Variants in FASTKD1 observed in about 807,000 individuals in gnomAD.
The protein encoded by FASTKD1 is FAST kinase domain-containing protein 1, mitochondrial.
A neutral mutation model predicts 90.9 loss-of-function variants in FASTKD1; 94 were observed. That is an observed-to-expected ratio of 1.03 (90% CI 0.88 to 1.23). FASTKD1 has a LOEUF of 1.23. FASTKD1 is among the 50% of genes most tolerant of loss of function. The pLI is 0.00. For missense variants in FASTKD1, 945 were observed against 993.5 expected (o/e 0.95, Z 0.66); for synonymous variants, 319 against 345.8 (o/e 0.92, Z 0.86).
At chr2:169,534,826 C>T (rs576574761) in intron 12 of FASTKD1, among the ~76,000 whole-genome samples, 1 of 152,016 alleles carries the variant, frequency 6.6e-6, no homozygotes, top group East Asian at 1.9e-4. Flanking sequence ...AGGACTAAAA[C>T]ACAAACACTA....
chr2:169,554,227 A>C (rs1433084156), intron 7 of FASTKD1, among the ~76,000 whole-genome samples: 1 of 125,134 alleles, frequency 8.0e-6, no homozygotes. Flanking sequence ...GCCGTGAGCT[A>C]TGATTGCACC....
chr2:169,552,867 CA>C (rs1250852580), intron 7 of FASTKD1, among the ~76,000 whole-genome samples: 1 of 151,952 alleles, frequency 6.6e-6, no homozygotes, highest in Non-Finnish European at 1.5e-5. Context: ...ATCCATGTAA[CA>C]AAAAACCACT....
chr2:169,558,265 T>C (rs1683418632), intron 5 of FASTKD1, among the ~76,000 whole-genome samples: 1 of 152,212 alleles, frequency 6.6e-6, no homozygotes, highest in Non-Finnish European at 1.5e-5. Flanking sequence ...TGTGTGTGTT[T>C]CTTCGTCTGT....
intron 7 of FASTKD1, among the ~76,000 whole-genome samples, chr2:169,548,387 T>A (rs1685313658): frequency 6.9e-6 from 1 of 145,444 alleles, no homozygotes; most frequent in Non-Finnish European, 1.5e-5. Flanking sequence ...GAAATCCCCA[T>A]GGCAAGAGTC....
At chr2:169,542,464 G>T (rs1024721480) in intron 9 of FASTKD1, among the ~76,000 whole-genome samples, 1 of 152,342 alleles carries the variant, frequency 6.6e-6, no homozygotes, top group Non-Finnish European at 1.5e-5. Context: ...AAAGGAAAAA[G>T]AAAAAGTAAT....
chr2:169,558,705 C>T (rs1456062284), intron 5 of FASTKD1, among the ~76,000 whole-genome samples: 2 of 152,134 alleles, frequency 1.3e-5, no homozygotes, highest in Admixed American at 1.3e-4. Flanking sequence ...ACCGCCTCAG[C>T]CTCCCAAGGT....
At chr2:169,563,521 TAGAA>T (rs1683809344) in intron 3 of FASTKD1, 171 bp from the exon 4 acceptor site, 2 of 349,984 alleles carry the variant, frequency 5.7e-6, no homozygotes. Flanking sequence ...TCAGATACTG[TAGAA>T]AGGTTTTGAA....
In FASTKD1 at chr2:169,571,506, G is replaced by C. The variant is rs972967483; in HGVS notation, c.377+147C>G. The C allele has an allele frequency of 4.5e-5, 23 of 511,930 alleles. No homozygotes were observed. The East Asian group carries it at 8.5e-4, about 19-fold the overall frequency. 31.7% of individuals were successfully genotyped at this position (511,930 alleles called of 1,614,324 possible). A position where few individuals can be genotyped will look rare whatever the true frequency, so the allele number is the denominator to read the frequency against. ...GTGAACCTGGGAGGCAGAGCTTGCA[G>C]TGAGCCGAGATCATGCCACTGCACT... On this transcript the variant is annotated intron_variant, in intron 2 of 14. Transcript: ENST00000453153.
Position 169,557,315 on chromosome 2 carries a change from A to AT in FASTKD1, c.972-19_972-18insA. On this transcript the variant is annotated intron_variant, in intron 5 of 14. Coordinates refer to ENST00000453153, the MANE Select transcript of FASTKD1 (RefSeq NM_024622.6). ...ATTTAAGTCTAGAAGCAAAAAAAAA[A>AT]AAGTTTTTGGTTGAAAGACTGAAAA... is the stretch of plus-strand genomic sequence containing the variant. 2 of 1,499,926 alleles carry AT rather than the reference A, an allele frequency of 1.3e-6. No individual in the cohort carries two copies. Among genetic ancestry groups the AT allele is most frequent in the Non-Finnish European group, 1.8e-6 (2 of 1,107,790 alleles). 92.9% of individuals were successfully genotyped at this position (1,499,926 alleles called of 1,614,324 possible).
At chr2:169,558,808 C>T in intron 5 of FASTKD1, among the ~76,000 whole-genome samples, 1 of 151,684 alleles carries the variant, frequency 6.6e-6, no homozygotes, top group East Asian at 2.0e-4. Context: ...AGGCTGGTCT[C>T]AAACTCCCGA....
intron 7 of FASTKD1, among the ~76,000 whole-genome samples, chr2:169,554,800 T>C (rs540728869): frequency 1.3e-5 from 2 of 152,300 alleles, no homozygotes; most frequent in East Asian, 3.9e-4. Context: ...TGCTCCCAAA[T>C]GGAGTTTAAC....
chr2:169,545,129 C>T lies in FASTKD1; in HGVS notation c.1702-294G>A, dbSNP rs568580925. ...GCTGGGAGTGGTGGCTCATGCCTGT[C>T]ATCCCAACACTTTGGATGGCTGAGG... On this transcript the variant is annotated intron_variant, in intron 8 of 14. Transcript: ENST00000453153. 2.0e-5 allele frequency among the ~76,000 whole-genome samples: 3 copies of T among 152,204 alleles called. No individual in the cohort carries two copies. In the South Asian group the frequency reaches 6.2e-4, roughly 32 times the overall value.
chr2:169,557,902 C>T (rs1683402438), intron 5 of FASTKD1, among the ~76,000 whole-genome samples: 1 of 152,188 alleles, frequency 6.6e-6, no homozygotes. Flanking sequence ...CGAAACGTGA[C>T]ATCTGATAGG....
chr2:169,546,673 C>G lies in FASTKD1; in HGVS notation c.1246G>C (p.Val416Leu), dbSNP rs1196056753. The G allele has an allele frequency of 1.1e-5, 17 of 1,606,038 alleles. No individual in the cohort carries two copies. The highest frequency in any genetic ancestry group is 1.7e-5 in the Admixed American group (1 of 57,648). ...YLKNSFIPTE[V>L]SVLVRAISLL... is the part of the protein sequence containing the mutation. ...GAAATAGCACGGACCAGAACAGACACCTCAGTTGGTATGAAACTATTTTTC... is the reference window on the plus strand; with the variant it reads ...GAAATAGCACGGACCAGAACAGACAGCTCAGTTGGTATGAAACTATTTTTC... Residue 416 changes from valine (V) to leucine (L), a missense_variant, in exon 8 of 15, where the codon GTG becomes CTG. By Grantham distance (32) the Val-to-Leu change is conservative. Transcript: ENST00000453153.
intron 14 of FASTKD1, 28 bp from the exon 15 acceptor site, chr2:169,529,954 A>G (rs771712593): frequency 1.3e-6 from 2 of 1,492,814 alleles, no homozygotes; most frequent in Non-Finnish European, 1.9e-6. Context: ...TGTTTGAATG[A>G]AAGTTTTAAA....
chr2:169,548,193 C>T (rs757785488), intron 7 of FASTKD1, among the ~76,000 whole-genome samples: 20 of 151,938 alleles, frequency 1.3e-4, no homozygotes, highest in Non-Finnish European at 2.2e-4. Context: ...CCAGTGCTGT[C>T]GCTGAAGAAA....
chr2:169,565,508 C>T (rs1183142907), intron 3 of FASTKD1, among the ~76,000 whole-genome samples: 7 of 151,848 alleles, frequency 4.6e-5, no homozygotes, highest in African/African-American at 1.5e-4. Flanking sequence ...ATGATCCGCC[C>T]GCCTTGTCCT....
intron 3 of FASTKD1, among the ~76,000 whole-genome samples, chr2:169,565,777 T>C (rs1424588778): frequency 6.6e-6 from 1 of 152,212 alleles, no homozygotes; most frequent in Non-Finnish European, 1.5e-5. Flanking sequence ...CTGTTCTCCA[T>C]AGAGCTTATA....
chr2:169,544,004 A>C (rs1323879529), intron 9 of FASTKD1, among the ~76,000 whole-genome samples: 1 of 152,198 alleles, frequency 6.6e-6, no homozygotes, highest in Non-Finnish European at 1.5e-5. Flanking sequence ...GGGGACTATG[A>C]TTAAGTTTCT....
Sources: gnomAD v4.1 joint callset for allele counts (sites outside exome capture counted in the v4.1 genomes callset) on GRCh38, gnomAD v4.1.1 for gene constraint, MANE v1.5 for transcripts, NCBI Gene and HGNC (gene_info 2026-07-23, HGNC 2026-07-21) for gene names.